AK4: variants seen among roughly 807,000 people sequenced by gnomAD.
AK4 encodes the protein adenylate kinase 4, mitochondrial.
In AK4, 13 loss-of-function variants were observed where a neutral mutation model predicts 24.6. That is an observed-to-expected ratio of 0.53 (90% CI 0.34 to 0.84). The LOEUF (loss-of-function observed/expected upper bound fraction) is 0.84. AK4 is among the 40% of genes least tolerant of loss of function. The pLI is 0.01. For synonymous variants in AK4, 88 were observed against 107.0 expected, an observed-to-expected ratio of 0.82 and a Z score of 1.10; for missense variants, 192 against 288.2, an observed-to-expected ratio of 0.67 and a Z score of 2.42.
rs535470392 is a variant in AK4 at position 65,193,411 on chromosome 1, T to G, written c.265+2582T>G. ...TCCGAAATGCCTTTTAGGTCTGTTG[T>G]CCATTGTCTTGATTGATAGCACCTG... On this transcript the variant is annotated intron_variant, in intron 2 of 4. Transcript: ENST00000327299. 2.6e-5 allele frequency among the ~76,000 whole-genome samples: 4 copies of G among 152,206 alleles called. No homozygotes were observed. In the East Asian group the frequency reaches 7.7e-4, roughly 29 times the overall value.
chr1:65,169,194 A>G (rs964081277), intron 1 of AK4, among the ~76,000 whole-genome samples: 7 of 150,880 alleles, frequency 4.6e-5, no homozygotes, highest in Admixed American at 4.0e-4. Context: ...AAAAAAAAAG[A>G]AAAAGAAAAG....
At chr1:65,159,980 A>AAG (rs1478576869) in intron 1 of AK4, among the ~76,000 whole-genome samples, 2 of 151,686 alleles carry the variant, frequency 1.3e-5, no homozygotes, top group African/African-American at 2.4e-5. Context: ...AAAAAAAAAA[A>AAG]AAAAAAAAAA....
chr1:65,183,876 A>G (rs1472906528), intron 1 of AK4, among the ~76,000 whole-genome samples: 2 of 152,148 alleles, frequency 1.3e-5, no homozygotes, highest in African/African-American at 4.8e-5. Flanking sequence ...ACAGTGATCT[A>G]TTTCAGTCTG....
At chr1:65,186,018 G>A (rs1380197099) in intron 1 of AK4, among the ~76,000 whole-genome samples, 1 of 151,996 alleles carries the variant, frequency 6.6e-6, no homozygotes, top group African/African-American at 2.4e-5. Context: ...TTGGGATAAT[G>A]GTTCTATAAT....
At chr1:65,147,937 T>A, upstream of AK4, 1 of 155,684 alleles carries the variant, frequency 6.4e-6, no homozygotes, top group African/African-American at 2.4e-5. Context: ...GGGGGCTGGC[T>A]TTGAGTCACC....
chr1:65,148,737 G>T (rs1347643816), intron 1 of AK4, among the ~76,000 whole-genome samples, 185 bp downstream of exon 1: 1 of 151,828 alleles, frequency 6.6e-6, no homozygotes, highest in Non-Finnish European at 1.5e-5. Flanking sequence ...GGAGGAGGCC[G>T]AGGCTCCAGG....
chr1:65,209,379 C>A (rs905858261), intron 2 of AK4, among the ~76,000 whole-genome samples: 2 of 152,176 alleles, frequency 1.3e-5, no homozygotes, highest in African/African-American at 4.8e-5. Context: ...GAAAGCCTTT[C>A]TTGGAGTGTT....
At chr1:65,184,028 C>A (rs186805705) in intron 1 of AK4, among the ~76,000 whole-genome samples, 1 of 151,972 alleles carries the variant, frequency 6.6e-6, no homozygotes, top group African/African-American at 2.4e-5. Flanking sequence ...ATTTTAAATG[C>A]GGTATTATCT....
Position 65,218,880 on chromosome 1 carries a change from C to A in AK4, c.392C>A (p.Pro131His). The A allele has an allele frequency of 6.2e-7, 1 of 1,609,688 alleles. No homozygotes were observed. The highest frequency in any genetic ancestry group is 8.5e-7 in the Non-Finnish European group (1 of 1,178,030). Residue 131 changes from proline (P) to histidine (H), a missense_variant, in exon 3 of 5, where the codon CCT (proline) becomes CAT (histidine). Coordinates refer to ENST00000327299, the MANE Select transcript of AK4 (RefSeq NM_013410.4). ...CTCAGCCGCCGTTGGATTCACCCTC[C>A]TAGCGGAAGGGTATATAACCTGGAC... ...DRLSRRWIHP[P>H]SGRVYNLDFN... is the part of the protein sequence containing the mutation.
intron 1 of AK4, among the ~76,000 whole-genome samples, chr1:65,157,600 G>A (rs536964629): frequency 2.0e-5 from 3 of 152,176 alleles, no homozygotes; most frequent in Admixed American, 1.3e-4. Context: ...CTTGGATAAC[G>A]TAGCGAGACC....
chr1:65,164,701 T>A (rs1268450272), intron 1 of AK4, among the ~76,000 whole-genome samples: 1 of 152,260 alleles, frequency 6.6e-6, no homozygotes, highest in Non-Finnish European at 1.5e-5. Context: ...CTATCCTGTT[T>A]CACTTCCTTG....
At chr1:65,195,660 C>T (rs1289718339) in intron 2 of AK4, among the ~76,000 whole-genome samples, 2 of 152,116 alleles carry the variant, frequency 1.3e-5, no homozygotes, top group Non-Finnish European at 2.9e-5. Context: ...CCTCTGGTTG[C>T]TCATGAAACA....
intron 1 of AK4, among the ~76,000 whole-genome samples, chr1:65,174,394 C>T (rs1650640672): frequency 6.6e-6 from 1 of 152,070 alleles, no homozygotes; most frequent in South Asian, 2.1e-4. Flanking sequence ...AATTTTCTTT[C>T]TTAAATTCAG....
chr1:65,186,092 G>A (rs1425557906), intron 1 of AK4, among the ~76,000 whole-genome samples: 1 of 152,026 alleles, frequency 6.6e-6, no homozygotes, highest in Non-Finnish European at 1.5e-5. Context: ...TCTTCAGGGT[G>A]TTCATTCATG....
intron 1 of AK4, among the ~76,000 whole-genome samples, chr1:65,152,537 G>C (rs1271957551): frequency 6.6e-6 from 1 of 150,666 alleles, no homozygotes; most frequent in Admixed American, 6.6e-5. Context: ...CGAGTAGCTG[G>C]GACTACAGGC....
At chr1:65,165,321 G>A (rs1024070908) in intron 1 of AK4, among the ~76,000 whole-genome samples, 2 of 152,108 alleles carry the variant, frequency 1.3e-5, no homozygotes, top group African/African-American at 2.4e-5. Flanking sequence ...AGTAGCAGGT[G>A]GAAACATGTG....
chr1:65,158,416 G>C (rs1650047114), intron 1 of AK4, among the ~76,000 whole-genome samples: 1 of 152,220 alleles, frequency 6.6e-6, no homozygotes, highest in Admixed American at 6.5e-5. Context: ...TAAGGAGTTG[G>C]AAATTTTGTA....
chr1:65,223,629 G>A (rs1161562312), intron 3 of AK4, among the ~76,000 whole-genome samples: 1 of 151,778 alleles, frequency 6.6e-6, no homozygotes, highest in African/African-American at 2.4e-5. Flanking sequence ...ATGAGATTTT[G>A]GGGGGGAATA....
chr1:65,191,533 A>G lies in AK4; in HGVS notation c.265+704A>G, dbSNP rs1016917456. Among the ~76,000 whole-genome samples, 62 of 150,864 alleles carry G rather than the reference A, an allele frequency of 4.1e-4. 1 individual carries two copies. Among genetic ancestry groups the G allele is most frequent in the African/African-American group, 1.5e-3 (61 of 41,278 alleles). On this transcript the variant is annotated intron_variant, in intron 2 of 4. Coordinates refer to ENST00000327299, the MANE Select transcript of AK4 (RefSeq NM_013410.4). Reference sequence around the variant, plus strand: ...ATGGTCCTCAGATAGATGAGTGGGGATAGGGAAGGTAGGTTTTTTTTTTTC... The same window carrying G: ...ATGGTCCTCAGATAGATGAGTGGGGGTAGGGAAGGTAGGTTTTTTTTTTTC...
Sources: allele counts gnomAD v4.1 joint callset (sites outside exome capture counted in the v4.1 genomes callset), GRCh38; gene constraint gnomAD v4.1.1; transcripts MANE v1.5; gene names NCBI Gene and HGNC (gene_info 2026-07-23, HGNC 2026-07-21).